The following AMD1 variants were observed in gnomAD, a reference collection of about 807,000 sequenced individuals.
AMD1 encodes the protein adenosylmethionine decarboxylase 1, also known as S-adenosylmethionine decarboxylase proenzyme.
In AMD1, 11 loss-of-function variants were observed where a neutral mutation model predicts 40.2. The observed-to-expected ratio is 0.27, with a 90% confidence interval of 0.17 to 0.45. The LOEUF (loss-of-function observed/expected upper bound fraction) is 0.45, where lower values mean the gene tolerates loss of function less well. AMD1 is among the 20% of genes least tolerant of loss of function. The pLI is 1.00. For missense variants in AMD1, 257 were observed against 410.2 expected (o/e 0.63, Z 3.23); for synonymous variants, 121 against 130.8 (o/e 0.93, Z 0.51).
At chr6:110,852,982 CTTTTT>C in the AMD1 span, among the ~76,000 whole-genome samples, 2 of 111,478 alleles carry the variant, frequency 1.8e-5, no homozygotes, top group Non-Finnish European at 1.8e-5. Flanking sequence ...TAATTAAGCA[CTTTTT>C]TTTTTTTTTT....
At position 110,894,309 on chromosome 6, in the gene AMD1, CTG is replaced by C. The variant is rs751054358; in HGVS notation, c.*695_*696del. The C allele has an allele frequency of 2.0e-5, 3 of 152,700 alleles. No homozygotes were observed. The highest frequency in any genetic ancestry group is 4.4e-5 in the Non-Finnish European group (3 of 68,086). The allele number at this position is 152,700 out of a possible 1,614,324, so 9.5% of individuals were successfully genotyped here. A position where few individuals can be genotyped will look rare whatever the true frequency, so the allele number is the denominator to read the frequency against. ...CCAAGACCCCAAATAAAGCAATACA[CTG>C]TTAACACTGTGGGTTTATATACTAA... is the stretch of plus-strand genomic sequence containing the variant. On this transcript the variant is annotated 3_prime_UTR_variant, in exon 9 of 9. Coordinates refer to ENST00000368885, the MANE Select transcript of AMD1 (RefSeq NM_001634.6).
At chr6:110,875,275 A>T in intron 1 of AMD1, 60 bp downstream of exon 1, 2 of 1,350,012 alleles carry the variant, frequency 1.5e-6, no homozygotes, top group Non-Finnish European at 1.0e-6. Context: ...CCGCCGAGGC[A>T]CCAGCCACGG....
At chr6:110,865,321 G>C in the AMD1 span, among the ~76,000 whole-genome samples, 2 of 152,200 alleles carry the variant, frequency 1.3e-5, no homozygotes, top group Non-Finnish European at 2.9e-5. Context: ...TGTTTGTATA[G>C]ATGTAACAAA....
At chr6:110,830,200 A>G in the AMD1 span, among the ~76,000 whole-genome samples, 3 of 152,058 alleles carry the variant, frequency 2.0e-5, no homozygotes, top group Admixed American at 2.0e-4. Flanking sequence ...TATTTTTATT[A>G]GAGATGGGGT....
Position 110,893,033 on chromosome 6 carries a change from G to A in AMD1, c.832G>A (p.Gly278Arg), listed in dbSNP as rs1206770525. Residue 278 changes from glycine (G) to arginine (R), a missense_variant, in exon 8 of 9, where the codon GGA (glycine) becomes AGA (arginine). Around this residue, in one of 3 missense-constraint regions of AMD1, gnomAD observed 192 missense variants for 296.5 expected, o/e 0.65. Coordinates refer to ENST00000368885, the MANE Select transcript of AMD1 (RefSeq NM_001634.6). Reference protein sequence around the residue: ...IRKVVEVFKPGKFVTTLFVNQ... With the variant: ...IRKVVEVFKPRKFVTTLFVNQ... ...GAAAGTTGTAGAAGTCTTCAAGCCA[G>A]GAAAATTTGTGACCACCTTGTTTGT... The A allele has an allele frequency of 2.5e-6, 4 of 1,609,336 alleles. No homozygotes were observed. The Admixed American group carries it at 6.7e-5, about 27-fold the overall frequency.
chr6:110,837,326 A>C, the AMD1 span, among the ~76,000 whole-genome samples: 1 of 150,922 alleles, frequency 6.6e-6, no homozygotes, highest in Non-Finnish European at 1.5e-5. Context: ...AAAAAAAAAA[A>C]GGAAAAGTAT....
chr6:110,844,587 G>T, the AMD1 span, among the ~76,000 whole-genome samples: 320 of 151,822 alleles, frequency 2.1e-3, 1 homozygote, highest in Non-Finnish European at 3.2e-3. Context: ...CGAGACCATC[G>T]TGGCTAACAC....
intron 1 of AMD1, among the ~76,000 whole-genome samples, chr6:110,882,020 A>G (rs1785434051): frequency 6.6e-6 from 1 of 152,216 alleles, no homozygotes; most frequent in African/African-American, 2.4e-5. Context: ...CAGTTTTATA[A>G]ATAGTTTATA....
At chr6:110,869,634 C>G in the AMD1 span, among the ~76,000 whole-genome samples, 1 of 152,062 alleles carries the variant, frequency 6.6e-6, no homozygotes, top group Non-Finnish European at 1.5e-5. Flanking sequence ...CTCAGCCTCC[C>G]GAGAAGCTGG....
At chr6:110,892,013 G>A in intron 4 of AMD1, 148 bp from the exon 5 acceptor site, 1 of 932,684 alleles carries the variant, frequency 1.1e-6, no homozygotes, top group African/African-American at 1.6e-5. Context: ...TGGGATTATA[G>A]ACATGAGCTA....
chr6:110,832,542 G>A, the AMD1 span, among the ~76,000 whole-genome samples: 1 of 152,258 alleles, frequency 6.6e-6, no homozygotes, highest in East Asian at 1.9e-4. Flanking sequence ...ACTTCTCAGA[G>A]GCCTGTGACA....
Position 110,892,838 on chromosome 6 carries a change from AT to A in AMD1, c.708+12del. 1 of 1,613,656 alleles carries A rather than the reference AT, an allele frequency of 6.2e-7. No homozygotes were observed. The highest frequency in any genetic ancestry group is 8.5e-7 in the Non-Finnish European group (1 of 1,179,780). On this transcript the variant is annotated intron_variant, in intron 7 of 8. Coordinates refer to ENST00000368885, the MANE Select transcript of AMD1 (RefSeq NM_001634.6). ...GGAATGAAATCGGATGTGAGTAGTT[AT>A]ATATTGCTTCAATAATTATTTAAAT...
the AMD1 span, among the ~76,000 whole-genome samples, chr6:110,832,099 G>A: frequency 2.7e-5 from 4 of 146,474 alleles, no homozygotes; most frequent in South Asian, 4.4e-4. Flanking sequence ...TGCAACCTCC[G>A]CCTCCCCAGG....
rs1786155961 is a variant in AMD1 at position 110,893,541 on chromosome 6, C to T, written c.930C>T (p.Cys310=). 4 of 1,613,844 alleles carry T rather than the reference C, an allele frequency of 2.5e-6. No homozygotes were observed. The highest frequency in any genetic ancestry group is 2.5e-6 in the Non-Finnish European group (3 of 1,179,924). ...TTGAAGGTTTTAAGCGTCTTGATTG[C>T]CAGAGTGCTATGTTCAATGATTACA... ...QKIEGFKRLD[C]QSAMFNDYNF... Residue 310 remains cysteine, a synonymous_variant, in exon 9 of 9, where the codon TGC becomes TGT. Coordinates refer to ENST00000368885, the MANE Select transcript of AMD1 (RefSeq NM_001634.6).
At chr6:110,846,593 G>A in the AMD1 span, among the ~76,000 whole-genome samples, 1 of 151,984 alleles carries the variant, frequency 6.6e-6, no homozygotes, top group Non-Finnish European at 1.5e-5. Flanking sequence ...GGCTTGGTGT[G>A]GCAGGTGGTG....
At chr6:110,823,385 G>A in the AMD1 span, among the ~76,000 whole-genome samples, 1 of 152,148 alleles carries the variant, frequency 6.6e-6, no homozygotes. Context: ...GATCCATCAG[G>A]CAAGAGAAAG....
chr6:110,827,111 G>A, the AMD1 span, among the ~76,000 whole-genome samples: 1 of 152,056 alleles, frequency 6.6e-6, no homozygotes, highest in East Asian at 1.9e-4. Context: ...CAAAATAAAG[G>A]TCACATTCAC....
At chr6:110,843,211 G>A in the AMD1 span, among the ~76,000 whole-genome samples, 4 of 151,922 alleles carry the variant, frequency 2.6e-5, no homozygotes, top group Admixed American at 2.0e-4. Flanking sequence ...GCCTGAAATC[G>A]CAGCACTTTG....
At chr6:110,843,856 G>A in the AMD1 span, among the ~76,000 whole-genome samples, 1 of 152,132 alleles carries the variant, frequency 6.6e-6, no homozygotes, top group South Asian at 2.1e-4. Flanking sequence ...CCAAAGTGTT[G>A]CGATTACAGG....
Sources: allele counts gnomAD v4.1 joint callset (sites outside exome capture counted in the v4.1 genomes callset), GRCh38; gene constraint gnomAD v4.1.1; regional missense constraint gnomAD v4.1.1; transcripts MANE v1.5; gene names NCBI Gene and HGNC (gene_info 2026-07-23, HGNC 2026-07-21).